GRID2: variants seen among roughly 807,000 people sequenced by gnomAD.
GRID2 encodes the protein glutamate receptor ionotropic, delta-2.
GRID2 carries 33 observed loss-of-function variants against 114.8 expected under a neutral mutation model. That is an observed-to-expected ratio of 0.29 (90% CI 0.22 to 0.38). The LOEUF (loss-of-function observed/expected upper bound fraction) is 0.38, where lower values mean the gene tolerates loss of function less well. GRID2 is among the 10% of genes least tolerant of loss of function. The pLI, the probability that GRID2 is intolerant of heterozygous loss-of-function variation, is 1.00. For missense variants in GRID2, 1,184 were observed against 1,257.7 expected, an observed-to-expected ratio of 0.94 and a Z score of 0.89; for synonymous variants, 505 against 449.9, an observed-to-expected ratio of 1.12 and a Z score of -1.55.
At chr4:93,794,927 T>A (rs1256152778) in intron 1 of GRID2, among the ~76,000 whole-genome samples, 3 of 152,204 alleles carry the variant, frequency 2.0e-5, no homozygotes, top group Non-Finnish European at 4.4e-5. Context: ...CCCCAATGTA[T>A]CATCTTTAAG....
At chr4:92,923,818 A>T (rs2149510553) in intron 2 of GRID2, among the ~76,000 whole-genome samples, 1 of 152,310 alleles carries the variant, frequency 6.6e-6, no homozygotes, top group Non-Finnish European at 1.5e-5. Flanking sequence ...AAACTAGTTC[A>T]ACCATTGTGG....
At chr4:92,474,251 A>G (rs1722186550) in intron 1 of GRID2, among the ~76,000 whole-genome samples, 1 of 152,016 alleles carries the variant, frequency 6.6e-6, no homozygotes, top group Non-Finnish European at 1.5e-5. Context: ...TTGCGCGTAT[A>G]AGTGATGTCA....
At chr4:92,695,976 A>G (rs760043396) in intron 2 of GRID2, among the ~76,000 whole-genome samples, 15 of 152,176 alleles carry the variant, frequency 9.9e-5, no homozygotes, top group Non-Finnish European at 2.1e-4. Context: ...AAATTCAGAC[A>G]TGATGGGGCA....
At chr4:92,759,036 C>G (rs970635639) in intron 2 of GRID2, among the ~76,000 whole-genome samples, 1 of 152,086 alleles carries the variant, frequency 6.6e-6, no homozygotes, top group Non-Finnish European at 1.5e-5. Context: ...ATTTGAAAAA[C>G]AGTCAGTCAA....
At chr4:93,099,218 T>C (rs1319852806) in intron 3 of GRID2, among the ~76,000 whole-genome samples, 2 of 151,880 alleles carry the variant, frequency 1.3e-5, no homozygotes, top group Non-Finnish European at 2.9e-5. Context: ...CCTTTTTTGG[T>C]TTGAAAGCAA....
intron 14 of GRID2, among the ~76,000 whole-genome samples, chr4:93,759,864 A>T (rs562553496): frequency 3.7e-4 from 57 of 152,358 alleles, no homozygotes; most frequent in African/African-American, 1.3e-3. Flanking sequence ...CTCAGTTTAT[A>T]AAGAAGCAGG....
chr4:92,393,131 C>T (rs943806493), intron 1 of GRID2, among the ~76,000 whole-genome samples: 45 of 152,078 alleles, frequency 3.0e-4, no homozygotes, highest in East Asian at 1.9e-4. Context: ...GTGGTGAGGG[C>T]GTTGCCACAC....
intron 14 of GRID2, among the ~76,000 whole-genome samples, chr4:93,727,197 G>C (rs533821659): frequency 5.3e-5 from 8 of 152,170 alleles, no homozygotes; most frequent in African/African-American, 9.6e-5. Flanking sequence ...TAGCATGAAG[G>C]GTTGTTGAAT....
At chr4:92,947,144 C>T (rs1254740659) in intron 2 of GRID2, among the ~76,000 whole-genome samples, 2 of 151,884 alleles carry the variant, frequency 1.3e-5, no homozygotes, top group Admixed American at 1.3e-4. Flanking sequence ...TTGGCTTTAC[C>T]AATATCTCAC....
At chr4:92,982,751 G>C (rs1242621717) in intron 2 of GRID2, among the ~76,000 whole-genome samples, 1 of 152,002 alleles carries the variant, frequency 6.6e-6, no homozygotes, top group Non-Finnish European at 1.5e-5. Flanking sequence ...GTGTTGTGTA[G>C]GGTAATAAAG....
chr4:92,926,275 T>G (rs2149513988), intron 2 of GRID2, among the ~76,000 whole-genome samples: 1 of 152,070 alleles, frequency 6.6e-6, no homozygotes, highest in South Asian at 2.1e-4. Context: ...TTGAAGATGG[T>G]TAATTTACGG....
chr4:93,660,560 G>A (rs577590654), intron 14 of GRID2, among the ~76,000 whole-genome samples: 20 of 151,808 alleles, frequency 1.3e-4, no homozygotes, highest in Middle Eastern at 3.4e-3. Context: ...CAGTAGTCGC[G>A]TATCTGCCTC....
intron 8 of GRID2, among the ~76,000 whole-genome samples, chr4:93,251,322 T>C (rs12642127): frequency 0.024 from 3,687 of 152,230 alleles, 189 homozygotes; most frequent in East Asian, 0.24. Context: ...ATTATTTCTC[T>C]CTAATATAAC....
intron 14 of GRID2, among the ~76,000 whole-genome samples, chr4:93,745,097 T>C (rs1202581513): frequency 6.6e-6 from 1 of 152,202 alleles, no homozygotes; most frequent in African/African-American, 2.4e-5. Flanking sequence ...AACAAAAACA[T>C]GACTTGCTTT....
chr4:93,712,559 T>A (rs577755868), intron 14 of GRID2, among the ~76,000 whole-genome samples: 1 of 152,154 alleles, frequency 6.6e-6, no homozygotes, highest in Non-Finnish European at 1.5e-5. Context: ...AATTTCTGGT[T>A]TCACCCCTTC....
intron 1 of GRID2, among the ~76,000 whole-genome samples, chr4:92,589,427 T>C (rs1450320296): frequency 6.6e-6 from 1 of 152,186 alleles, no homozygotes; most frequent in Non-Finnish European, 1.5e-5. Context: ...AATCAATGTG[T>C]TTACCAAATA....
intron 2 of GRID2, among the ~76,000 whole-genome samples, chr4:93,006,006 G>T (rs1343788689): frequency 6.6e-6 from 1 of 151,722 alleles, no homozygotes; most frequent in Non-Finnish European, 1.5e-5. Flanking sequence ...CTATTTGCTT[G>T]GATTTCTCCT....
intron 1 of GRID2, among the ~76,000 whole-genome samples, chr4:92,457,283 T>C (rs188154732): frequency 6.6e-6 from 1 of 152,288 alleles, no homozygotes; most frequent in East Asian, 1.9e-4. Context: ...ATTCCTGTGA[T>C]ACATTAGTTA....
intron 13 of GRID2, among the ~76,000 whole-genome samples, chr4:93,594,915 T>C: frequency 6.6e-6 from 1 of 152,120 alleles, no homozygotes; most frequent in African/African-American, 2.4e-5. Flanking sequence ...CTTCGGCTCA[T>C]GCACGGTGCA....
Sources: gnomAD v4.1 joint callset for allele counts (sites outside exome capture counted in the v4.1 genomes callset) on GRCh38, gnomAD v4.1.1 for gene constraint, MANE v1.5 for transcripts, NCBI Gene and HGNC (gene_info 2026-07-23, HGNC 2026-07-21) for gene names.